SHANK2: variants seen among roughly 807,000 people sequenced by gnomAD.
SHANK2 encodes SH3 and multiple ankyrin repeat domains 2, also known as SH3 and multiple ankyrin repeat domains protein 2.
In SHANK2, 43 loss-of-function variants were observed where a neutral mutation model predicts 133.7. The observed-to-expected ratio is 0.32, with a 90% CI of 0.25 to 0.41. The LOEUF is 0.41. Among genes scored for constraint, SHANK2 ranks in the 10% least tolerant of loss-of-function variants. SHANK2 has a pLI of 1.00. For synonymous variants in SHANK2, 1,017 were observed against 952.8 expected, an observed-to-expected ratio of 1.07 and a Z score of -1.24; for missense variants, 1,994 against 2,235.8, an observed-to-expected ratio of 0.89 and a Z score of 2.18.
intron 8 of SHANK2, among the ~76,000 whole-genome samples, chr11:71,084,249 GCATAAGC>G (rs1951347067): frequency 6.6e-6 from 1 of 152,180 alleles, no homozygotes; most frequent in African/African-American, 2.4e-5. Context: ...GCGATTACAG[GCATAAGC>G]CACCGCACCC....
rs147164137 is a variant in SHANK2 at position 70,581,332 on chromosome 11, T to G, written c.2062-78401A>C. Among the ~76,000 whole-genome samples the G allele has an allele frequency of 8.0e-5, 12 of 149,396 alleles. No individual in the cohort carries two copies. The East Asian group carries it at 2.4e-3, about 30-fold the overall frequency. ...ATATTTTGTGTTACATTAAGGTTGTTGGTGCTTCAGTTTTTGTTACTGTTT... is the reference window on the plus strand; with the variant it reads ...ATATTTTGTGTTACATTAAGGTTGTGGGTGCTTCAGTTTTTGTTACTGTTT... On this transcript the variant is annotated intron_variant, in intron 17 of 25. Transcript: ENST00000601538.
intron 2 of SHANK2, among the ~76,000 whole-genome samples, chr11:71,163,093 A>AAAAATATATATATATATATATATATATAT: frequency 1.2e-5 from 1 of 84,670 alleles, no homozygotes; most frequent in Non-Finnish European, 2.5e-5. Context: ...AAAAAAAAAA[A>AAAAATATATATATATATATATATATATAT]ATACATATAT....
At chr11:71,177,053 G>A (rs11232410) in intron 2 of SHANK2, among the ~76,000 whole-genome samples, 2 of 152,318 alleles carry the variant, frequency 1.3e-5, no homozygotes, top group East Asian at 3.9e-4. Flanking sequence ...TGAGCAGACA[G>A]TGGACTGGCA....
chr11:71,065,882 G>T (rs1247815995), intron 9 of SHANK2, among the ~76,000 whole-genome samples: 3 of 131,224 alleles, frequency 2.3e-5, no homozygotes. Flanking sequence ...GGGAAGTTGG[G>T]GGGGATACAG....
intron 3 of SHANK2, among the ~76,000 whole-genome samples, chr11:71,138,790 C>CAAAAAAAAAAAAAAAAAA: frequency 1.2e-5 from 1 of 82,950 alleles, no homozygotes; most frequent in Non-Finnish European, 2.5e-5. Flanking sequence ...GACCCTATCT[C>CAAAAAAAAAAAAAAAAAA]AAAAAAAAAA....
At position 71,188,705 on chromosome 11, in the gene SHANK2, C is replaced by T. The variant is rs958402749; in HGVS notation, c.-13+35992G>A. On this transcript the variant is annotated intron_variant, in intron 2 of 25. Transcript: ENST00000601538. This position sits in a 1 kb window ranked among gnomAD's most constrained non-coding sequence, Gnocchi z 4.6. ...TAGAGTGCCCTGCTCACTCATCTGTCGCCCACCACACCTCTCCTCATCTGC... is the reference window on the plus strand; with the variant it reads ...TAGAGTGCCCTGCTCACTCATCTGTTGCCCACCACACCTCTCCTCATCTGC... Among the ~76,000 whole-genome samples, 3 of 152,176 alleles carry T rather than the reference C, an allele frequency of 2.0e-5. No individual in the cohort carries two copies. Among genetic ancestry groups the T allele is most frequent in the South Asian group, 2.1e-4 (1 of 4,828 alleles).
chr11:71,087,326 C>T (rs1014665736), intron 8 of SHANK2, among the ~76,000 whole-genome samples: 3 of 151,892 alleles, frequency 2.0e-5, no homozygotes, highest in Admixed American at 6.6e-5. Flanking sequence ...GGAGAGAGGG[C>T]AGGAAAAAGG....
chr11:70,806,953 C>T (rs1948176281), intron 13 of SHANK2, 49 bp downstream of exon 13: 2 of 698,890 alleles, frequency 2.9e-6, no homozygotes, highest in African/African-American at 3.5e-5. Context: ...GGTGAAGGGC[C>T]CCAGCCTGAC....
At chr11:70,651,334 C>T (rs1380337592) in intron 17 of SHANK2, among the ~76,000 whole-genome samples, 1 of 152,176 alleles carries the variant, frequency 6.6e-6, no homozygotes, top group Non-Finnish European at 1.5e-5. Flanking sequence ...CCCGCATCCA[C>T]CTTCTCAGCA....
intron 8 of SHANK2, among the ~76,000 whole-genome samples, chr11:71,079,579 T>C (rs2135997003): frequency 6.6e-6 from 1 of 151,558 alleles, no homozygotes; most frequent in East Asian, 2.0e-4. Flanking sequence ...GCTAACACAG[T>C]GAAACCCCGT....
At position 70,535,448 on chromosome 11, in the gene SHANK2, G is replaced by A. The variant is rs79829166; in HGVS notation, c.2062-32517C>T. ...TCCATCCATCTGCCATCATCCATCA[G>A]TCCAACCATCAGTCCGTCCGTCCAT... On this transcript the variant is annotated intron_variant, in intron 17 of 25. Coordinates refer to ENST00000601538, the MANE Select transcript of SHANK2 (RefSeq NM_012309.5). The surrounding 1 kb of genome is among the most constrained non-coding windows in gnomAD (Gnocchi z 4.3). Among the ~76,000 whole-genome samples, 2 of 151,730 alleles carry A rather than the reference G, an allele frequency of 1.3e-5. No individual in the cohort carries two copies. Among genetic ancestry groups the A allele is most frequent in the African/African-American group, 4.8e-5 (2 of 41,272 alleles).
chr11:71,080,784 T>G (rs1465966207), intron 8 of SHANK2, among the ~76,000 whole-genome samples: 1 of 152,162 alleles, frequency 6.6e-6, no homozygotes, highest in Non-Finnish European at 1.5e-5. Context: ...TCGCATGGCC[T>G]GAGCCACCAG....
At position 70,638,305 on chromosome 11, in the gene SHANK2, G is replaced by A. The variant is rs184737822; in HGVS notation, c.2061+21523C>T. Among the ~76,000 whole-genome samples, 8 of 152,344 alleles carry A rather than the reference G, an allele frequency of 5.3e-5. No individual in the cohort carries two copies. In the East Asian group the frequency reaches 1.5e-3, roughly 29 times the overall value. ...GGCAATGGACCACAAGCTACTCCCA[G>A]TGACAGAGGACCCAGGCCACAGACC... On this transcript the variant is annotated intron_variant, in intron 17 of 25. Transcript: ENST00000601538.
intron 11 of SHANK2, among the ~76,000 whole-genome samples, chr11:70,874,541 CCAT>C (rs1949525230): frequency 6.6e-6 from 1 of 152,004 alleles, no homozygotes; most frequent in African/African-American, 2.4e-5. Flanking sequence ...CATGTAATAA[CCAT>C]CATTTTATTG....
intron 10 of SHANK2, among the ~76,000 whole-genome samples, chr11:70,945,826 C>T (rs1044566111): frequency 1.8e-4 from 27 of 152,128 alleles, no homozygotes; most frequent in African/African-American, 5.3e-4. Flanking sequence ...ACCCTTCCAG[C>T]GCACAAGGAA....
chr11:70,560,332 G>A (rs1234634542), intron 17 of SHANK2, among the ~76,000 whole-genome samples: 1 of 152,122 alleles, frequency 6.6e-6, no homozygotes. Context: ...CAAAAGATGT[G>A]CCAAGACCTG....
chr11:70,528,144 C>T (rs1464909485), intron 17 of SHANK2, among the ~76,000 whole-genome samples: 3 of 152,350 alleles, frequency 2.0e-5, no homozygotes, highest in South Asian at 2.1e-4. Flanking sequence ...AGGTGCACCT[C>T]GGCGTGATGC....
At chr11:70,849,272 C>T (rs1366765186) in intron 11 of SHANK2, among the ~76,000 whole-genome samples, 1 of 152,110 alleles carries the variant, frequency 6.6e-6, no homozygotes, top group African/African-American at 2.4e-5. Flanking sequence ...ACAGTGAGAC[C>T]CCATCTCAAT....
intron 3 of SHANK2, among the ~76,000 whole-genome samples, chr11:71,126,443 A>G (rs1555102702): frequency 6.6e-6 from 1 of 152,140 alleles, no homozygotes; most frequent in Non-Finnish European, 1.5e-5. Context: ...GGAGATGTAC[A>G]AGGAGATAAA....
Sources: allele counts gnomAD v4.1 joint callset (sites outside exome capture counted in the v4.1 genomes callset), GRCh38; gene constraint gnomAD v4.1.1; non-coding constraint Gnocchi (gnomAD v3.1); transcripts MANE v1.5; gene names NCBI Gene and HGNC (gene_info 2026-07-23, HGNC 2026-07-21).